Variants in ITGBL1 observed in about 807,000 individuals in gnomAD.
ITGBL1 encodes integrin beta-like protein 1.
A neutral mutation model predicts 68.5 loss-of-function variants in ITGBL1; 51 were observed. That is an observed-to-expected ratio of 0.74 (90% confidence interval 0.59 to 0.94). The LOEUF (loss-of-function observed/expected upper bound fraction) is 0.94. Among genes scored for constraint, ITGBL1 ranks in the 40% least tolerant of loss-of-function variants. The pLI is 0.00. For missense variants in ITGBL1, 649 were observed against 647.4 expected, an observed-to-expected ratio of 1.00 and a Z score of -0.03; for synonymous variants, 209 against 227.3, an observed-to-expected ratio of 0.92 and a Z score of 0.72.
At position 101,463,665 on chromosome 13, in the gene ITGBL1, C is replaced by T. The variant is rs143955156; in HGVS notation, c.316+9565C>T. ...TCTTCCCTCCACTGAGATGCCTGTA[C>T]TTCTAGGGTGTTCCTTGATCTCCTC... On this transcript the variant is annotated intron_variant, in intron 2 of 10. Coordinates refer to ENST00000376180, the MANE Select transcript of ITGBL1 (RefSeq NM_004791.3). Among the ~76,000 whole-genome samples, 1,198 of 152,202 alleles carry T rather than the reference C, an allele frequency of 7.9e-3. 17 individuals carry two copies. The highest frequency in any genetic ancestry group is 0.027 in the African/African-American group (1,101 of 41,530).
intron 2 of ITGBL1, among the ~76,000 whole-genome samples, chr13:101,465,917 C>G (rs751111036): frequency 6.6e-6 from 1 of 152,016 alleles, no homozygotes; most frequent in African/African-American, 2.4e-5. Context: ...TTGAGGATAG[C>G]GGTAACTGTA....
intron 7 of ITGBL1, among the ~76,000 whole-genome samples, chr13:101,630,708 GT>G (rs1482015308): frequency 6.6e-6 from 1 of 152,016 alleles, no homozygotes; most frequent in Non-Finnish European, 1.5e-5. Context: ...CCAAATCATT[GT>G]TAGATCTCCC....
chr13:101,473,034 C>A (rs1594830734), intron 2 of ITGBL1, among the ~76,000 whole-genome samples: 1 of 152,148 alleles, frequency 6.6e-6, no homozygotes, highest in East Asian at 1.9e-4. Flanking sequence ...TTATAAGATG[C>A]TATATTTGTA....
At chr13:101,556,067 A>G (rs1014803381) in intron 2 of ITGBL1, among the ~76,000 whole-genome samples, 3 of 152,178 alleles carry the variant, frequency 2.0e-5, no homozygotes, top group Admixed American at 1.3e-4. Context: ...GCAGTGTTCT[A>G]AGTGCTTTGT....
intron 7 of ITGBL1, among the ~76,000 whole-genome samples, chr13:101,608,896 G>A (rs1007251238): frequency 6.6e-6 from 1 of 151,960 alleles, no homozygotes; most frequent in Admixed American, 6.6e-5. Flanking sequence ...TGCTTTTAGT[G>A]TGCATCAAAT....
At chr13:101,481,669 A>G (rs1032051759) in intron 2 of ITGBL1, among the ~76,000 whole-genome samples, 5 of 151,876 alleles carry the variant, frequency 3.3e-5, no homozygotes, top group Non-Finnish European at 7.4e-5. Context: ...AAGTACTAAT[A>G]CCTTTTGCTC....
chr13:101,506,919 G>A (rs1483334184), intron 2 of ITGBL1, among the ~76,000 whole-genome samples: 3 of 152,154 alleles, frequency 2.0e-5, no homozygotes, highest in Non-Finnish European at 1.5e-5. Context: ...GTTTGAAGAT[G>A]TAATTGGAAG....
At chr13:101,693,656 A>ATCTATCTG (rs2033934679) in intron 8 of ITGBL1, among the ~76,000 whole-genome samples, 1 of 151,538 alleles carries the variant, frequency 6.6e-6, no homozygotes, top group Non-Finnish European at 1.5e-5. Context: ...CTATCTATCT[A>ATCTATCTG]TCTATCTATC....
intron 2 of ITGBL1, among the ~76,000 whole-genome samples, chr13:101,455,519 T>C (rs2048231411): frequency 6.6e-6 from 1 of 151,728 alleles, no homozygotes; most frequent in Non-Finnish European, 1.5e-5. Flanking sequence ...ATACAAAAAT[T>C]AGCTGGGCGT....
chr13:101,690,325 G>A (rs2033855115), intron 7 of ITGBL1, among the ~76,000 whole-genome samples: 2 of 152,100 alleles, frequency 1.3e-5, no homozygotes, highest in Admixed American at 6.6e-5. Context: ...TTCTGAAGAG[G>A]CACAGAAGCC....
At chr13:101,567,614 A>T in intron 2 of ITGBL1, 85 bp from the exon 3 acceptor site, 1 of 1,265,486 alleles carries the variant, frequency 7.9e-7, no homozygotes, top group Non-Finnish European at 1.1e-6. Flanking sequence ...GTCCCAAATC[A>T]ATGTCACTGT....
chr13:101,635,666 A>G (rs556298636), intron 7 of ITGBL1, among the ~76,000 whole-genome samples: 87 of 152,216 alleles, frequency 5.7e-4, no homozygotes, highest in African/African-American at 2.0e-3. Context: ...CAGGTACTAT[A>G]GATTAAATGT....
At chr13:101,510,041 A>G (rs2049090567) in intron 2 of ITGBL1, among the ~76,000 whole-genome samples, 1 of 151,938 alleles carries the variant, frequency 6.6e-6, no homozygotes, top group East Asian at 1.9e-4. Flanking sequence ...TTTATCTTTT[A>G]CTTTCAGCTT....
chr13:101,474,282 A>T (rs553809941), intron 2 of ITGBL1, among the ~76,000 whole-genome samples: 6 of 152,018 alleles, frequency 3.9e-5, no homozygotes, highest in Non-Finnish European at 7.4e-5. Flanking sequence ...TTGAGTGAAC[A>T]TTGGTACCAA....
At chr13:101,681,779 AGGT>A (rs1033683130) in intron 7 of ITGBL1, among the ~76,000 whole-genome samples, 1 of 151,602 alleles carries the variant, frequency 6.6e-6, no homozygotes, top group African/African-American at 2.4e-5. Context: ...GAAGGAGTGA[AGGT>A]GGTGTGTGTC....
At position 101,598,309 on chromosome 13, in the gene ITGBL1, G is replaced by T. The variant is rs1380712133; in HGVS notation, c.1015+10G>T. 2.5e-6 allele frequency: 4 copies of T among 1,587,962 alleles called. No individual in the cohort carries two copies. The Admixed American group carries it at 5.5e-5, about 22-fold the overall frequency. On this transcript the variant is annotated intron_variant, in intron 7 of 10. Transcript: ENST00000376180. ...CCTTGCTCTGGGAGGGGTAAGTGAG[G>T]TCTCTCAGGGCTTCCCACGGCCTCT...
intron 3 of ITGBL1, among the ~76,000 whole-genome samples, chr13:101,573,822 C>CAA: frequency 1.3e-5 from 2 of 152,118 alleles, no homozygotes; most frequent in Non-Finnish European, 2.9e-5. Flanking sequence ...TCTAGTAATT[C>CAA]AAACCAAATT....
At chr13:101,617,955 A>T (rs1367674750) in intron 7 of ITGBL1, among the ~76,000 whole-genome samples, 1 of 152,138 alleles carries the variant, frequency 6.6e-6, no homozygotes, top group Non-Finnish European at 1.5e-5. Flanking sequence ...GGCTTAGAAC[A>T]ATTTTTTTCA....
intron 2 of ITGBL1, among the ~76,000 whole-genome samples, chr13:101,528,186 CTTT>C (rs887172112): frequency 1.3e-5 from 2 of 150,848 alleles, no homozygotes; most frequent in African/African-American, 2.4e-5. Context: ...TAATATTTTT[CTTT>C]TTTGTCAGTT....
Sources: allele counts gnomAD v4.1 joint callset (sites outside exome capture counted in the v4.1 genomes callset), GRCh38; gene constraint gnomAD v4.1.1; transcripts MANE v1.5; gene names NCBI Gene and HGNC (gene_info 2026-07-23, HGNC 2026-07-21).